The following KCNAB1 variants were observed in gnomAD, a reference collection of about 807,000 sequenced individuals.
KCNAB1 encodes voltage-gated potassium channel subunit beta-1.
In KCNAB1, 35 loss-of-function variants were observed where a neutral mutation model predicts 64.6. That is an observed-to-expected ratio of 0.54 (90% CI 0.41 to 0.72). The LOEUF (loss-of-function observed/expected upper bound fraction) is 0.72. Ranked by LOEUF, KCNAB1 falls within the 30% of genes least tolerant of loss-of-function variation. The probability of loss-of-function intolerance (pLI) is 0.00; values close to 1 mark genes in which losing one functional copy is unlikely to be tolerated. For synonymous variants in KCNAB1, 177 were observed against 183.8 expected (o/e 0.96, Z 0.30); for missense variants, 401 against 512.9 (o/e 0.78, Z 2.11).
intron 1 of KCNAB1, among the ~76,000 whole-genome samples, chr3:156,380,145 C>A (rs1712042271): frequency 6.6e-6 from 1 of 152,194 alleles, no homozygotes; most frequent in Admixed American, 6.5e-5. Flanking sequence ...CCTCCCCATC[C>A]ATCAGCTGAG....
chr3:156,384,451 G>C (rs1186924102), intron 1 of KCNAB1, among the ~76,000 whole-genome samples: 1 of 152,136 alleles, frequency 6.6e-6, no homozygotes, highest in African/African-American at 2.4e-5. Flanking sequence ...AAAAAGTCCT[G>C]GGTCTCAGAC....
intron 1 of KCNAB1, among the ~76,000 whole-genome samples, chr3:156,312,364 T>G (rs1402837272): frequency 6.6e-6 from 1 of 152,194 alleles, no homozygotes; most frequent in East Asian, 1.9e-4. Context: ...AGAGTTCCAG[T>G]AAGAAGGAGA....
chr3:156,230,902 A>G (rs892259557), intron 1 of KCNAB1, among the ~76,000 whole-genome samples: 2 of 152,234 alleles, frequency 1.3e-5, no homozygotes, highest in African/African-American at 4.8e-5. Context: ...CACTTTAGAG[A>G]GTCAACACAT....
At chr3:156,245,052 C>T (rs904632319) in intron 1 of KCNAB1, among the ~76,000 whole-genome samples, 1 of 152,204 alleles carries the variant, frequency 6.6e-6, no homozygotes, top group African/African-American at 2.4e-5. Context: ...TTATCAGATT[C>T]TGCTTTTATT....
chr3:156,341,022 G>T (rs2108065259), intron 1 of KCNAB1, among the ~76,000 whole-genome samples: 1 of 152,252 alleles, frequency 6.6e-6, no homozygotes, highest in Non-Finnish European at 1.5e-5. Flanking sequence ...CACTCCTCCT[G>T]TTATGCAATA....
chr3:156,495,927 C>T (rs1440889532), intron 8 of KCNAB1, among the ~76,000 whole-genome samples: 1 of 152,082 alleles, frequency 6.6e-6, no homozygotes, highest in Non-Finnish European at 1.5e-5. Flanking sequence ...TTAGGGTGAA[C>T]TAGGAGTCTG....
At chr3:156,259,588 G>A (rs1718308836) in intron 1 of KCNAB1, among the ~76,000 whole-genome samples, 1 of 152,298 alleles carries the variant, frequency 6.6e-6, no homozygotes, top group South Asian at 2.1e-4. Flanking sequence ...AAACAGGAGC[G>A]TTGCTAGTTT....
intron 2 of KCNAB1, among the ~76,000 whole-genome samples, chr3:156,447,350 T>C (rs940896298): frequency 1.6e-4 from 24 of 152,236 alleles, no homozygotes; most frequent in African/African-American, 4.8e-4. Flanking sequence ...TTTACCCATA[T>C]ATCTGTTTCA....
intron 2 of KCNAB1, among the ~76,000 whole-genome samples, chr3:156,426,998 G>C (rs1171157754): frequency 6.6e-6 from 1 of 152,194 alleles, no homozygotes; most frequent in Admixed American, 6.5e-5. Flanking sequence ...GCTGGAGGCA[G>C]GGAAATTAAT....
intron 1 of KCNAB1, among the ~76,000 whole-genome samples, chr3:156,336,858 A>G (rs1173587436): frequency 6.6e-6 from 1 of 152,238 alleles, no homozygotes; most frequent in Non-Finnish European, 1.5e-5. Context: ...TTCACACGAG[A>G]AATCCAAAGA....
At chr3:156,358,271 T>C (rs975077368) in intron 1 of KCNAB1, among the ~76,000 whole-genome samples, 1 of 152,174 alleles carries the variant, frequency 6.6e-6, no homozygotes, top group Non-Finnish European at 1.5e-5. Flanking sequence ...ATCCCTCCAC[T>C]TGAAACAAAC....
intron 1 of KCNAB1, among the ~76,000 whole-genome samples, chr3:156,296,515 G>C (rs1330175078): frequency 1.5e-5 from 2 of 130,258 alleles, no homozygotes; most frequent in Non-Finnish European, 3.1e-5. Flanking sequence ...GCTCTGTAGC[G>C]CAGGCTGGAG....
intron 1 of KCNAB1, among the ~76,000 whole-genome samples, chr3:156,255,896 T>C (rs937083843): frequency 1.3e-5 from 2 of 152,246 alleles, no homozygotes; most frequent in Admixed American, 1.3e-4. Flanking sequence ...GTCTTTCTCA[T>C]GTGACTGTGT....
chr3:156,229,143 A>C (rs1483960482), intron 1 of KCNAB1, among the ~76,000 whole-genome samples: 1 of 152,230 alleles, frequency 6.6e-6, no homozygotes, highest in Non-Finnish European at 1.5e-5. Flanking sequence ...ATGGTGTATT[A>C]GTTCATTCTC....
chr3:156,245,090 C>T (rs891673175), intron 1 of KCNAB1, among the ~76,000 whole-genome samples: 1 of 152,174 alleles, frequency 6.6e-6, no homozygotes, highest in Non-Finnish European at 1.5e-5. Context: ...CACTCCATTT[C>T]CAGAAGCCTG....
intron 1 of KCNAB1, among the ~76,000 whole-genome samples, chr3:156,383,584 GTTTC>G (rs2108152772): frequency 6.6e-6 from 1 of 152,186 alleles, no homozygotes; most frequent in South Asian, 2.1e-4. Flanking sequence ...AGGCCATTTT[GTTTC>G]TTTCTAATAA....
chr3:156,317,376 A>G (rs1215730379), intron 1 of KCNAB1, among the ~76,000 whole-genome samples: 2 of 152,226 alleles, frequency 1.3e-5, no homozygotes, highest in South Asian at 2.1e-4. Context: ...TTGCCCTGGC[A>G]AAAACTTGGC....
chr3:156,184,367 T>C (rs1162717120), intron 1 of KCNAB1, among the ~76,000 whole-genome samples: 1 of 152,184 alleles, frequency 6.6e-6, no homozygotes, highest in African/African-American at 2.4e-5. Context: ...AGGAATCTTA[T>C]ATTCTGTCCA....
intron 2 of KCNAB1, among the ~76,000 whole-genome samples, chr3:156,442,034 G>C (rs909897410): frequency 6.6e-6 from 1 of 152,042 alleles, no homozygotes; most frequent in Non-Finnish European, 1.5e-5. Flanking sequence ...ACTAAAACAC[G>C]CAGAGAAGAA....
Sources: allele counts gnomAD v4.1 joint callset (sites outside exome capture counted in the v4.1 genomes callset), GRCh38; gene constraint gnomAD v4.1.1; transcripts MANE v1.5; gene names NCBI Gene and HGNC (gene_info 2026-07-23, HGNC 2026-07-21).